Variants in NCKAP5 observed in about 807,000 individuals in gnomAD.
NCKAP5 encodes nck-associated protein 5.
Under a neutral mutation model 167.0 loss-of-function variants are expected in NCKAP5, and 92 were observed. The observed-to-expected ratio is 0.55, with a 90% CI of 0.47 to 0.66. The LOEUF (loss-of-function observed/expected upper bound fraction) is 0.66, where lower values mean the gene tolerates loss of function less well. Ranked by LOEUF, NCKAP5 falls within the 30% of genes least tolerant of loss-of-function variation. The pLI, the probability that NCKAP5 is intolerant of heterozygous loss-of-function variation, is 0.00. For synonymous variants in NCKAP5, 891 were observed against 877.4 expected (o/e 1.02, Z -0.27); for missense variants, 2,378 against 2,315.0 (o/e 1.03, Z -0.56).
At chr2:133,440,672 T>C (rs1050674654) in intron 3 of NCKAP5, among the ~76,000 whole-genome samples, 5 of 124,210 alleles carry the variant, frequency 4.0e-5, no homozygotes, top group African/African-American at 1.3e-4. Context: ...ATGGCGCCAC[T>C]GCACTCCAGC....
At chr2:132,878,827 G>A (rs904202113) in intron 9 of NCKAP5, 21 bp downstream of exon 9, 1 of 1,596,296 alleles carries the variant, frequency 6.3e-7, no homozygotes. Flanking sequence ...CTTGGATCAG[G>A]AGCCTCTCCA....
chr2:132,727,000 C>G (rs967188057), intron 18 of NCKAP5, among the ~76,000 whole-genome samples: 1 of 152,198 alleles, frequency 6.6e-6, no homozygotes, highest in African/African-American at 2.4e-5. Context: ...CTAACTGAAC[C>G]AGGCATCGTG....
At chr2:133,619,310 T>C in the NCKAP5 span, among the ~76,000 whole-genome samples, 2 of 150,522 alleles carry the variant, frequency 1.3e-5, no homozygotes, top group Non-Finnish European at 3.0e-5. Context: ...ATAATAATAA[T>C]AAATAAAATA....
intron 5 of NCKAP5, among the ~76,000 whole-genome samples, chr2:133,178,842 A>C (rs2084600065): frequency 6.6e-6 from 1 of 150,776 alleles, no homozygotes; most frequent in Non-Finnish European, 1.5e-5. Context: ...AAAAAAAAAA[A>C]AAAAAAAAAA....
Position 133,543,820 on chromosome 2 carries a change from G to C in NCKAP5, c.-62+15230C>G, listed in dbSNP as rs543211682. ...TGTGTCTACAACTTGTTCCCCTTCT[G>C]GGGTACTTCATTCAGTCTTGGAGTA... On this transcript the variant is annotated intron_variant, in intron 2 of 19. Coordinates refer to ENST00000409261, the MANE Select transcript of NCKAP5 (RefSeq NM_207363.3). Among the ~76,000 whole-genome samples the C allele has an allele frequency of 9.2e-5, 14 of 152,280 alleles. No homozygotes were observed. In the South Asian group the frequency reaches 1.9e-3, roughly 20 times the overall value.
intron 3 of NCKAP5, among the ~76,000 whole-genome samples, chr2:133,413,925 C>T (rs2151068591): frequency 6.6e-6 from 1 of 152,254 alleles, no homozygotes; most frequent in Non-Finnish European, 1.5e-5. Flanking sequence ...CTTGGCCGTC[C>T]AAGAGGTCAT....
At chr2:133,526,206 AGG>A (rs1558755206) in intron 2 of NCKAP5, among the ~76,000 whole-genome samples, 18 of 135,462 alleles carry the variant, frequency 1.3e-4, no homozygotes, top group African/African-American at 4.2e-4. Context: ...GAAGGAAGGA[AGG>A]AAGGAAGGAA....
the NCKAP5 span, among the ~76,000 whole-genome samples, chr2:133,578,943 C>A: frequency 6.6e-6 from 1 of 152,166 alleles, no homozygotes; most frequent in African/African-American, 2.4e-5. Flanking sequence ...GGTAACCCAA[C>A]AAATAATCTG....
At chr2:133,548,606 G>C (rs1671544196) in intron 2 of NCKAP5, among the ~76,000 whole-genome samples, 1 of 151,960 alleles carries the variant, frequency 6.6e-6, no homozygotes, top group African/African-American at 2.4e-5. Context: ...TTTCAACCCA[G>C]AATTTCATAT....
rs76184880 is a variant in NCKAP5 at position 133,410,208 on chromosome 2, G to A, written c.70-107098C>T. 5.3e-4 allele frequency among the ~76,000 whole-genome samples: 81 copies of A among 152,312 alleles called. No individual in the cohort carries two copies. The East Asian group carries it at 0.014, about 27-fold the overall frequency. On this transcript the variant is annotated intron_variant, in intron 3 of 19. Coordinates refer to ENST00000409261, the MANE Select transcript of NCKAP5 (RefSeq NM_207363.3). ...CCATCTACTACACATTGCTGGTTCCGTTACTTAGAATAGACATCACACGTA... is the reference window on the plus strand; with the variant it reads ...CCATCTACTACACATTGCTGGTTCCATTACTTAGAATAGACATCACACGTA...
chr2:133,374,571 G>A (rs1686015414), intron 3 of NCKAP5, among the ~76,000 whole-genome samples: 1 of 151,738 alleles, frequency 6.6e-6, no homozygotes, highest in South Asian at 2.1e-4. Flanking sequence ...TGCGTGTGTA[G>A]GGCAGTGGGT....
chr2:133,368,443 T>C (rs774699682), intron 3 of NCKAP5, among the ~76,000 whole-genome samples: 8 of 152,256 alleles, frequency 5.3e-5, no homozygotes, highest in Non-Finnish European at 1.0e-4. Context: ...ATTTTTTGAA[T>C]AATGAGAAAG....
At chr2:132,910,808 TTGG>T (rs1419627656) in intron 8 of NCKAP5, among the ~76,000 whole-genome samples, 2 of 152,202 alleles carry the variant, frequency 1.3e-5, no homozygotes, top group Non-Finnish European at 2.9e-5. Flanking sequence ...AAGCTTTGGA[TTGG>T]ATTGGATTTG....
At chr2:133,436,287 T>C (rs987417490) in intron 3 of NCKAP5, among the ~76,000 whole-genome samples, 6 of 152,198 alleles carry the variant, frequency 3.9e-5, no homozygotes, top group Non-Finnish European at 7.3e-5. Context: ...CCTCCAGAGA[T>C]GCGGTTTTAT....
At chr2:133,271,873 G>A (rs953457754) in intron 4 of NCKAP5, among the ~76,000 whole-genome samples, 5 of 152,120 alleles carry the variant, frequency 3.3e-5, no homozygotes, top group African/African-American at 4.8e-5. Flanking sequence ...TAAAATATCT[G>A]GGGTTGAAGT....
intron 6 of NCKAP5, among the ~76,000 whole-genome samples, chr2:133,029,715 T>C (rs1050306920): frequency 6.6e-6 from 1 of 152,168 alleles, no homozygotes; most frequent in Non-Finnish European, 1.5e-5. Flanking sequence ...TGTAATGGTA[T>C]AGGCTAACAA....
intron 6 of NCKAP5, among the ~76,000 whole-genome samples, chr2:133,018,350 C>T (rs757869891): frequency 4.6e-5 from 7 of 152,204 alleles, no homozygotes; most frequent in Non-Finnish European, 1.0e-4. Flanking sequence ...TACTGACATA[C>T]TGTCTACTAA....
At position 132,696,887 on chromosome 2, in the gene NCKAP5, C is replaced by T. The variant is rs188462994; in HGVS notation, c.5714-23582G>A. Among the ~76,000 whole-genome samples, 600 of 152,088 alleles carry T rather than the reference C, an allele frequency of 3.9e-3. 20 individuals carry two copies. The highest frequency in any genetic ancestry group is 2.7e-3 in the East Asian group (14 of 5,160). ...TAACATCCTCATGCTTCTTATTCTT[C>T]TTTTTTATTTGGGTTGGGGGAACAT... On this transcript the variant is annotated intron_variant, in intron 19 of 19. Transcript: ENST00000409261.
chr2:132,878,389 A>C (rs1326627225), intron 9 of NCKAP5, among the ~76,000 whole-genome samples: 1 of 152,084 alleles, frequency 6.6e-6, no homozygotes, highest in Admixed American at 6.6e-5. Context: ...CCAACTGTGA[A>C]CATCATCCCC....
Sources: gnomAD v4.1 joint callset for allele counts (sites outside exome capture counted in the v4.1 genomes callset) on GRCh38, gnomAD v4.1.1 for gene constraint, MANE v1.5 for transcripts, NCBI Gene and HGNC (gene_info 2026-07-23, HGNC 2026-07-21) for gene names.